CGGBP1: variants seen among roughly 807,000 people sequenced by gnomAD.
The protein encoded by CGGBP1 is CGG triplet repeat-binding protein 1.
A neutral mutation model predicts 11.4 loss-of-function variants in CGGBP1; 4 were observed. That is an observed-to-expected ratio of 0.35 (90% CI 0.17 to 0.80). CGGBP1 has a LOEUF of 0.80. Among genes scored for constraint, CGGBP1 ranks in the 30% least tolerant of loss-of-function variants. The pLI, the probability that CGGBP1 is intolerant of heterozygous loss-of-function variation, is 0.52. For synonymous variants in CGGBP1, 76 were observed against 74.1 expected, an observed-to-expected ratio of 1.03 and a Z score of -0.13; for missense variants, 135 against 202.1, an observed-to-expected ratio of 0.67 and a Z score of 2.01.
intron 2 of CGGBP1, among the ~76,000 whole-genome samples, chr3:88,082,386 A>G (rs983851417): frequency 6.6e-6 from 1 of 152,122 alleles, no homozygotes; most frequent in African/African-American, 2.4e-5. Context: ...TGGCCTCCCA[A>G]AGTGTTGGGA....
At chr3:88,115,477 G>C (rs1705335144) in intron 2 of CGGBP1, among the ~76,000 whole-genome samples, 3 of 152,178 alleles carry the variant, frequency 2.0e-5, no homozygotes, top group Admixed American at 6.6e-5. Context: ...TCATGTCACT[G>C]TTTTTAAGGT....
At chr3:88,117,094 A>C (rs190955706) in intron 2 of CGGBP1, among the ~76,000 whole-genome samples, 2 of 152,346 alleles carry the variant, frequency 1.3e-5, no homozygotes, top group African/African-American at 2.4e-5. Flanking sequence ...CCGAAAGAAC[A>C]TACAGAGGTA....
rs188224661 is a variant in CGGBP1, at chr3:88,082,253, A to G, written c.-228-24030T>C. Reference sequence around the variant, plus strand: ...GTGATTCTCCTGCCTCAGCCTCCCAAGTAGCTAGGACTACAGGCGCGTGCC... The same window carrying G: ...GTGATTCTCCTGCCTCAGCCTCCCAGGTAGCTAGGACTACAGGCGCGTGCC... On this transcript the variant is annotated intron_variant, in intron 2 of 3. Transcript: ENST00000462901. Among the ~76,000 whole-genome samples, 402 of 152,128 alleles carry G rather than the reference A, an allele frequency of 2.6e-3. 1 individual carries two copies. Among genetic ancestry groups the G allele is most frequent in the African/African-American group, 9.4e-3 (391 of 41,502 alleles).
intron 2 of CGGBP1, among the ~76,000 whole-genome samples, chr3:88,091,753 A>G (rs1576252984): frequency 6.6e-6 from 1 of 152,284 alleles, no homozygotes; most frequent in East Asian, 1.9e-4. Flanking sequence ...ATGGTTTTAT[A>G]AAGGGCAGTT....
At chr3:88,141,271 AG>A (rs35287510) in intron 1 of CGGBP1, among the ~76,000 whole-genome samples, 1 of 152,114 alleles carries the variant, frequency 6.6e-6, no homozygotes, top group Non-Finnish European at 1.5e-5. Context: ...TAATTTGCAT[AG>A]GGCTTTGCCT....
intron 2 of CGGBP1, chr3:88,139,766 T>G (rs1320798898): frequency 2.6e-6 from 4 of 1,554,284 alleles, no homozygotes; most frequent in Non-Finnish European, 3.5e-6. Context: ...GTGGGGATGA[T>G]TATGAGGAGG....
At chr3:88,099,786 A>G (rs1180246347) in intron 2 of CGGBP1, among the ~76,000 whole-genome samples, 1 of 152,230 alleles carries the variant, frequency 6.6e-6, no homozygotes, top group Non-Finnish European at 1.5e-5. Context: ...GAAAGCTGAA[A>G]ATGGGTCCCT....
At chr3:88,067,936 G>T (rs1205611134) in intron 2 of CGGBP1, among the ~76,000 whole-genome samples, 1 of 151,400 alleles carries the variant, frequency 6.6e-6, no homozygotes, top group Non-Finnish European at 1.5e-5. Flanking sequence ...TTAAAATCTG[G>T]TGAGAATGAT....
upstream of CGGBP1, among the ~76,000 whole-genome samples, chr3:88,060,993 C>T (rs1185410116): frequency 1.3e-5 from 2 of 152,042 alleles, no homozygotes; most frequent in Admixed American, 6.5e-5. Flanking sequence ...TATTTAATGA[C>T]TTTCTTGAAA....
intron 2 of CGGBP1, among the ~76,000 whole-genome samples, chr3:88,112,445 C>T (rs1705149229): frequency 3.3e-5 from 5 of 151,644 alleles, no homozygotes; most frequent in Admixed American, 2.6e-4. Flanking sequence ...CATTCATGTT[C>T]CTTTCTTTAT....
At chr3:88,079,380 G>A (rs1348812112) in intron 2 of CGGBP1, among the ~76,000 whole-genome samples, 2 of 152,058 alleles carry the variant, frequency 1.3e-5, no homozygotes, top group African/African-American at 2.4e-5. Flanking sequence ...TCTAGGAAGA[G>A]ACTATAATAA....
In CGGBP1 at chr3:88,057,224, A is replaced by G. The variant is rs2107560982; in HGVS notation, c.-57T>C. On this transcript the variant is annotated 5_prime_UTR_variant, in exon 3 of 4. Transcript: ENST00000482016. The stretch of plus-strand genomic sequence containing the variant: ...AGCTGGGTAACATGAACTCTCTTTC[A>G]AAAGGACTTTAAATTGCCAACGTAT... 1 of 152,356 alleles carries G rather than the reference A, an allele frequency of 6.6e-6. No individual in the cohort carries two copies. Among genetic ancestry groups the G allele is most frequent in the East Asian group, 1.9e-4 (1 of 5,192 alleles). 9.4% of individuals were successfully genotyped at this position (152,356 alleles called of 1,614,324 possible). A position where few individuals can be genotyped will look rare whatever the true frequency, so the allele number is the denominator to read the frequency against.
At chr3:88,112,915 A>G (rs1299351827) in intron 2 of CGGBP1, among the ~76,000 whole-genome samples, 1 of 152,078 alleles carries the variant, frequency 6.6e-6, no homozygotes, top group African/African-American at 2.4e-5. Context: ...ACTTAAGTAT[A>G]TTTCTTTGTA....
intron 2 of CGGBP1, among the ~76,000 whole-genome samples, chr3:88,135,954 T>G (rs182487295): frequency 1.6e-4 from 24 of 152,162 alleles, no homozygotes; most frequent in African/African-American, 5.1e-4. Context: ...TTTATGCATT[T>G]ATTACATTCA....
At chr3:88,133,199 G>A (rs1195213520) in intron 2 of CGGBP1, among the ~76,000 whole-genome samples, 1 of 152,102 alleles carries the variant, frequency 6.6e-6, no homozygotes, top group Non-Finnish European at 1.5e-5. Flanking sequence ...GGTCACATAG[G>A]AGACATGGCC....
chr3:88,097,250 G>C (rs1704118876), intron 2 of CGGBP1, among the ~76,000 whole-genome samples: 1 of 152,026 alleles, frequency 6.6e-6, no homozygotes, highest in East Asian at 1.9e-4. Context: ...TACAAGGAAT[G>C]TAATTTTTCA....
chr3:88,133,093 T>C (rs114866491), intron 2 of CGGBP1, among the ~76,000 whole-genome samples: 2,437 of 152,258 alleles, frequency 0.016, 30 homozygotes, highest in Non-Finnish European at 0.025. Context: ...CCAAGCTTAA[T>C]AGTTTAGAGT....
chr3:88,076,661 T>G lies in CGGBP1; in HGVS notation c.-228-18438A>C, dbSNP rs533674443. ...GTTGGTGTTTGTTCATCTGTTATTT[T>G]AATTTGATCTTCATGTACTTCTTGT... On this transcript the variant is annotated intron_variant, in intron 2 of 3. Coordinates refer to the CGGBP1 transcript ENST00000462901. Among the ~76,000 whole-genome samples the G allele has an allele frequency of 4.6e-5, 7 of 152,344 alleles. No homozygotes were observed. The South Asian group carries it at 1.5e-3, about 32-fold the overall frequency.
At chr3:88,097,141 C>T (rs979379649) in intron 2 of CGGBP1, among the ~76,000 whole-genome samples, 14 of 152,038 alleles carry the variant, frequency 9.2e-5, no homozygotes, top group Admixed American at 8.5e-4. Context: ...CCATGTATGA[C>T]CGGAATATGT....
Sources: allele counts gnomAD v4.1 joint callset (sites outside exome capture counted in the v4.1 genomes callset), GRCh38; gene constraint gnomAD v4.1.1; transcripts MANE v1.5; gene names NCBI Gene and HGNC (gene_info 2026-07-23, HGNC 2026-07-21).